The following IKBIP variants were observed in gnomAD, a reference collection of about 807,000 sequenced individuals.
IKBIP encodes the protein IKBKB interacting protein, also known as inhibitor of nuclear factor kappa-B kinase-interacting protein.
IKBIP carries 28 observed loss-of-function variants against 31.0 expected under a neutral mutation model. That is an observed-to-expected ratio of 0.90 (90% CI 0.67 to 1.24). IKBIP has a LOEUF of 1.24. Ranked by LOEUF, IKBIP falls within the 50% of genes most tolerant of loss-of-function variation. The pLI is 0.00. For synonymous variants in IKBIP, 164 were observed against 160.3 expected (o/e 1.02, Z -0.17); for missense variants, 453 against 441.9 (o/e 1.03, Z -0.23).
chr12:98,614,167 T>G (rs202063953), exon 3 of IKBIP: 8 of 1,613,840 alleles, frequency 5.0e-6, no homozygotes, highest in Middle Eastern at 1.6e-4. Flanking sequence ...TACTTTGGTC[T>G]ACTTTTGTAA....
chr12:98,618,268 A>T (rs2097607378), intron 2 of IKBIP, among the ~76,000 whole-genome samples: 1 of 152,146 alleles, frequency 6.6e-6, no homozygotes, highest in African/African-American at 2.4e-5. Context: ...TAATCTAAAG[A>T]TATCTTTTTT....
At chr12:98,617,900 A>C (rs562612058) in intron 2 of IKBIP, among the ~76,000 whole-genome samples, 1 of 152,330 alleles carries the variant, frequency 6.6e-6, no homozygotes, top group African/African-American at 2.4e-5. Context: ...TATGTTGTAA[A>C]GTAGGAAATT....
chr12:98,614,120 G>A (rs756336296), exon 3 of IKBIP: 2 of 1,613,250 alleles, frequency 1.2e-6, no homozygotes, highest in South Asian at 2.2e-5. Context: ...TTTTACACTT[G>A]TAATCTTGAG....
chr12:98,644,465 AGCCCAAACAGCAGGGG>A lies in IKBIP; in HGVS notation c.179+42_179+57del, dbSNP rs2097635967. On this transcript the variant is annotated intron_variant, in intron 1 of 2. Coordinates refer to ENST00000299157, the MANE Select transcript of IKBIP (RefSeq NM_153687.4). Reference sequence around the variant, plus strand: ...CCGGCTGGATGTTGAGCCGGGTGGGAGCCCAAACAGCAGGGGGCCCACAGGAGGCCGGCCCAGGCAG... The same window carrying A: ...CCGGCTGGATGTTGAGCCGGGTGGGAGCCCACAGGAGGCCGGCCCAGGCAG... 4 of 1,485,582 alleles carry A rather than the reference AGCCCAAACAGCAGGGG, an allele frequency of 2.7e-6. No individual in the cohort carries two copies. The South Asian group carries it at 5.1e-5, about 19-fold the overall frequency. 92.0% of individuals were successfully genotyped at this position (1,485,582 alleles called of 1,614,324 possible). A position where few individuals can be genotyped will look rare whatever the true frequency, so the allele number is the denominator to read the frequency against.
chr12:98,640,757 T>C (rs1016711568), intron 1 of IKBIP, among the ~76,000 whole-genome samples: 2 of 151,876 alleles, frequency 1.3e-5, no homozygotes, highest in African/African-American at 4.8e-5. Context: ...CAAGATGACA[T>C]AGGATATATC....
intron 2 of IKBIP, among the ~76,000 whole-genome samples, chr12:98,618,502 T>C (rs976966138): frequency 6.6e-5 from 10 of 151,968 alleles, no homozygotes; most frequent in Admixed American, 4.6e-4. Context: ...GGTGGGCGCC[T>C]GTAGTCCCAG....
intron 2 of IKBIP, 139 bp from the exon 3 acceptor site, chr12:98,626,905 C>T: frequency 1.7e-6 from 1 of 601,276 alleles, no homozygotes; most frequent in Non-Finnish European, 2.9e-6. Context: ...ATATCAGAAT[C>T]AGACTGACAA....
At position 98,644,584 on chromosome 12, in the gene IKBIP, A is replaced by AGCCCCC; in HGVS notation, c.112_117dup (p.Gly38_Gly39dup). 4 of 1,609,436 alleles carry AGCCCCC rather than the reference A, an allele frequency of 2.5e-6. No homozygotes were observed. The highest frequency in any genetic ancestry group is 3.4e-6 in the Non-Finnish European group (4 of 1,178,420). Reference sequence around the variant, plus strand: ...CTCAGGCACGTTCGGGGGTCTGCCCAGCCCCCGCCTCCGCTGCTCCGGGCC... The same window carrying AGCCCCC: ...CTCAGGCACGTTCGGGGGTCTGCCCAGCCCCCGCCCCCGCCTCCGCTGCTCCGGGCC... On this transcript the variant is annotated inframe_insertion, in exon 1 of 3. Coordinates refer to ENST00000299157, the MANE Select transcript of IKBIP (RefSeq NM_153687.4).
Position 98,644,186 on chromosome 12 carries a change from G to C in IKBIP, c.179+337C>G, listed in dbSNP as rs182811475. Among the ~76,000 whole-genome samples the C allele has an allele frequency of 1.4e-4, 21 of 152,296 alleles. No homozygotes were observed. The East Asian group carries it at 3.7e-3, about 27-fold the overall frequency. On this transcript the variant is annotated intron_variant, in intron 1 of 2. Transcript: ENST00000299157. ...GGGGCACAGCGGACAGGAAGTAACGGTTTATAACAACGTGAACGCTTCTGA... is the reference window on the plus strand; with the variant it reads ...GGGGCACAGCGGACAGGAAGTAACGCTTTATAACAACGTGAACGCTTCTGA...
Position 98,624,414 on chromosome 12 carries a change from A to T in IKBIP, c.*1516T>A. The T allele has an allele frequency of 2.0e-6, 2 of 985,344 alleles. No homozygotes were observed. The highest frequency in any genetic ancestry group is 2.4e-6 in the Non-Finnish European group (2 of 829,890). 61.0% of individuals were successfully genotyped at this position (985,344 alleles called of 1,614,324 possible). On this transcript the variant is annotated 3_prime_UTR_variant, in exon 3 of 3. Transcript: ENST00000299157. ...AGAACTCTCCAGGCTTATTTTCATG[A>T]TTCACGCTGTCTACCACAGGCCCTC...
At chr12:98,618,604 C>T (rs967629638) in intron 2 of IKBIP, among the ~76,000 whole-genome samples, 15 of 145,550 alleles carry the variant, frequency 1.0e-4, no homozygotes, top group South Asian at 2.2e-4. Flanking sequence ...CCAGCCTGGG[C>T]GACAGAGCCA....
chr12:98,617,461 C>A (rs754507156), intron 2 of IKBIP, among the ~76,000 whole-genome samples: 3 of 152,330 alleles, frequency 2.0e-5, no homozygotes, highest in Middle Eastern at 3.4e-3. Context: ...TGTGTCTGTG[C>A]ACACACATGT....
Position 98,642,251 on chromosome 12 carries a change from T to C in IKBIP, c.179+2272A>G, listed in dbSNP as rs143989682. On this transcript the variant is annotated intron_variant, in intron 1 of 2. Transcript: ENST00000299157. ...ATCTTGGCTCACTGCAACCTCCACC[T>C]CCCAGGTTCAAGTGATTCTCCTGCC... is the stretch of plus-strand genomic sequence containing the variant. 2.6e-3 allele frequency among the ~76,000 whole-genome samples: 398 copies of C among 152,292 alleles called. 2 individuals carry two copies. Among genetic ancestry groups the C allele is most frequent in the African/African-American group, 9.2e-3 (382 of 41,570 alleles).
intron 2 of IKBIP, among the ~76,000 whole-genome samples, chr12:98,632,512 A>AAT (rs71436924): frequency 0.036 from 824 of 22,728 alleles, 26 homozygotes; most frequent in Admixed American, 0.047. Context: ...AAAAAAAAAA[A>AAT]ATATATATAT....
chr12:98,618,828 A>C (rs967451777), intron 2 of IKBIP, among the ~76,000 whole-genome samples: 1 of 152,198 alleles, frequency 6.6e-6, no homozygotes, highest in Non-Finnish European at 1.5e-5. Context: ...TCATACATTT[A>C]GTTTTACTTA....
At chr12:98,614,302 A>G (rs768580669) in exon 3 of IKBIP, 8 of 1,594,928 alleles carry the variant, frequency 5.0e-6, no homozygotes, top group Non-Finnish European at 6.8e-6. Context: ...TTATTTGAAA[A>G]GACTTCAATT....
chr12:98,636,032 T>C (rs1180871040), intron 1 of IKBIP, among the ~76,000 whole-genome samples: 1 of 152,226 alleles, frequency 6.6e-6, no homozygotes, highest in Non-Finnish European at 1.5e-5. Flanking sequence ...TGAGCAAGCA[T>C]AAAAGAATTG....
Position 98,626,711 on chromosome 12 carries a change from G to A in IKBIP, c.353C>T (p.Thr118Ile), listed in dbSNP as rs2097614868. ...QEATSSMSLM[T>I]QFEQEVSNLQ... ...GTTGGATACTTCCTGCTCAAACTGG[G>A]TCATCAAAGACATGGATGATGTAGC... The change falls in exon 3 of 3, where the codon ACC becomes ATC. Residue 118 changes from threonine (T) to isoleucine (I), a missense_variant. Transcript: ENST00000299157. The A allele has an allele frequency of 6.2e-7, 1 of 1,613,716 alleles. No homozygotes were observed. The highest frequency in any genetic ancestry group is 1.3e-5 in the African/African-American group (1 of 75,022).
At chr12:98,621,323 A>T (rs2097610015), downstream of IKBIP, among the ~76,000 whole-genome samples, 1 of 152,184 alleles carries the variant, frequency 6.6e-6, no homozygotes, top group South Asian at 2.1e-4. Flanking sequence ...AAAACCTATT[A>T]ATAGATTAGA....
Sources: allele counts gnomAD v4.1 joint callset (sites outside exome capture counted in the v4.1 genomes callset), GRCh38; gene constraint gnomAD v4.1.1; transcripts MANE v1.5; gene names NCBI Gene and HGNC (gene_info 2026-07-23, HGNC 2026-07-21).